MAP4K4: variants seen among roughly 807,000 people sequenced by gnomAD.
MAP4K4 encodes mitogen-activated protein kinase kinase kinase kinase 4.
MAP4K4 carries 38 observed loss-of-function variants against 189.6 expected under a neutral mutation model. The ratio of observed to expected loss-of-function variants is 0.20; its 90% confidence interval spans 0.15 to 0.26. MAP4K4 has a LOEUF of 0.26. Among genes scored for constraint, MAP4K4 ranks in the 10% least tolerant of loss-of-function variants. The pLI is 1.00. For synonymous variants in MAP4K4, 610 were observed against 624.3 expected (o/e 0.98, Z 0.34); for missense variants, 1,054 against 1,726.9 (o/e 0.61, Z 6.91).
rs1420670421 is a variant in MAP4K4 at position 101,797,892 on chromosome 2, T to G, written c.180+7116T>G. ...AGCTTTTTAAAACATTCTTTTAGTT[T>G]TTTTTTTTTTTTTTTTTTGGAGACC... On this transcript the variant is annotated intron_variant, in intron 3 of 32. Coordinates refer to ENST00000324219, the Ensembl canonical transcript of MAP4K4. Among the ~76,000 whole-genome samples the G allele has an allele frequency of 9.2e-4, 111 of 120,182 alleles. 21 individuals are homozygous for G. The highest frequency in any genetic ancestry group is 3.1e-3 in the African/African-American group (94 of 30,284). 78.8% of individuals were successfully genotyped at this position (120,182 alleles called of 152,430 possible).
chr2:101,724,012 A>G (rs1170075407), intron 2 of MAP4K4, among the ~76,000 whole-genome samples: 3 of 152,222 alleles, frequency 2.0e-5, no homozygotes, highest in Non-Finnish European at 4.4e-5. Flanking sequence ...GACTAGCCAG[A>G]TAGTGAAAAC....
chr2:101,815,456 GT>G (rs1450687654), intron 3 of MAP4K4, among the ~76,000 whole-genome samples: 2 of 152,088 alleles, frequency 1.3e-5, no homozygotes, highest in Admixed American at 6.5e-5. Flanking sequence ...CTTTTGTTAA[GT>G]TTTTTTTAAA....
chr2:101,839,903 T>C (rs1341112307), exon 10 of MAP4K4: 1 of 1,613,950 alleles, frequency 6.2e-7, no homozygotes, highest in African/African-American at 1.3e-5. Flanking sequence ...TTTTGAAACA[T>C]CCTTTTATAA....
intron 3 of MAP4K4, among the ~76,000 whole-genome samples, chr2:101,819,862 G>C (rs1373824089): frequency 6.6e-6 from 1 of 152,184 alleles, no homozygotes; most frequent in Non-Finnish European, 1.5e-5. Context: ...GTGCTTCATG[G>C]TTTCATGACA....
intron 2 of MAP4K4, among the ~76,000 whole-genome samples, chr2:101,707,312 A>G (rs1559028091): frequency 6.7e-6 from 1 of 150,228 alleles, no homozygotes; most frequent in Non-Finnish European, 1.5e-5. Flanking sequence ...GGGTACAAGC[A>G]ATTCTCTTGC....
At chr2:101,760,219 G>A (rs1464451164) in intron 2 of MAP4K4, among the ~76,000 whole-genome samples, 2 of 151,924 alleles carry the variant, frequency 1.3e-5, no homozygotes, top group Non-Finnish European at 2.9e-5. Flanking sequence ...GGCCGGGTGT[G>A]GGGGCTCACC....
In MAP4K4 at chr2:101,817,193, G is replaced by A. The variant is rs116170461; in HGVS notation, c.181-6735G>A. Among the ~76,000 whole-genome samples, 907 of 152,222 alleles carry A rather than the reference G, an allele frequency of 6.0e-3. 10 individuals are homozygous for A. The highest frequency in any genetic ancestry group is 0.021 in the African/African-American group (878 of 41,534). Reference sequence around the variant, plus strand: ...ACCCATGGTATTTTGTCTATAGATTGGGGCTCGACGAGGTCAACTGTCAGG... The same window carrying A: ...ACCCATGGTATTTTGTCTATAGATTAGGGCTCGACGAGGTCAACTGTCAGG... On this transcript the variant is annotated intron_variant, in intron 3 of 32. Coordinates refer to ENST00000324219, the Ensembl canonical transcript of MAP4K4.
At chr2:101,864,137 C>A in intron 17 of MAP4K4, 86 bp downstream of exon 17, 1 of 679,936 alleles carries the variant, frequency 1.5e-6, no homozygotes, top group Non-Finnish European at 2.1e-6. Context: ...TATGGGTATG[C>A]AACTTGACCA....
chr2:101,758,393 G>A (rs1168004920), intron 2 of MAP4K4, among the ~76,000 whole-genome samples: 1 of 152,170 alleles, frequency 6.6e-6, no homozygotes, highest in East Asian at 1.9e-4. Context: ...TGAACAACAT[G>A]GATTTGAACT....
intron 27 of MAP4K4, among the ~76,000 whole-genome samples, chr2:101,880,888 CT>C (rs2098368041): frequency 6.6e-6 from 1 of 152,116 alleles, no homozygotes; most frequent in South Asian, 2.1e-4. Flanking sequence ...GTTTTGATTA[CT>C]GTAGATTTAT....
chr2:101,806,362 T>C (rs2094926958), intron 3 of MAP4K4, among the ~76,000 whole-genome samples: 1 of 150,746 alleles, frequency 6.6e-6, no homozygotes. Flanking sequence ...TGCCTTCATT[T>C]CAGCTGTTTC....
intron 2 of MAP4K4, among the ~76,000 whole-genome samples, chr2:101,727,277 C>T (rs1387483707): frequency 6.6e-6 from 1 of 152,168 alleles, no homozygotes; most frequent in Non-Finnish European, 1.5e-5. Flanking sequence ...TTAGCATTTA[C>T]TCATGTAGTA....
chr2:101,807,318 C>T (rs945207991), intron 3 of MAP4K4, among the ~76,000 whole-genome samples: 7 of 152,120 alleles, frequency 4.6e-5, no homozygotes, highest in African/African-American at 9.7e-5. Context: ...CCTCCTGCCT[C>T]GGCCTCCCAG....
At chr2:101,728,815 G>A (rs961866279) in intron 2 of MAP4K4, among the ~76,000 whole-genome samples, 17 of 152,302 alleles carry the variant, frequency 1.1e-4, no homozygotes, top group Admixed American at 1.1e-3. Flanking sequence ...CACCGTGCCC[G>A]ACAGATCCCC....
chr2:101,711,973 CT>C (rs57205012), intron 2 of MAP4K4, among the ~76,000 whole-genome samples: 12,677 of 122,240 alleles, frequency 0.1, 654 homozygotes, highest in African/African-American at 0.25. Flanking sequence ...CTGTCTTGCC[CT>C]TTTTTTTTTT....
At chr2:101,894,676 T>G (rs1193553767) in exon 33 of MAP4K4, 1 of 152,340 alleles carries the variant, frequency 6.6e-6, no homozygotes, top group East Asian at 1.9e-4. Flanking sequence ...TTAAATAAAG[T>G]AAAAATGACA....
chr2:101,747,308 G>A (rs1227888411), intron 2 of MAP4K4, among the ~76,000 whole-genome samples: 6 of 152,006 alleles, frequency 3.9e-5, no homozygotes, highest in African/African-American at 9.7e-5. Flanking sequence ...TAATAGAGAC[G>A]GGGTTTCACC....
chr2:101,806,433 T>C lies in MAP4K4; in HGVS notation c.180+15657T>C, dbSNP rs2094937907. Among the ~76,000 whole-genome samples, 3 of 150,366 alleles carry C rather than the reference T, an allele frequency of 2.0e-5. No individual in the cohort carries two copies. The South Asian group carries it at 6.3e-4, about 32-fold the overall frequency. ...CTCTGTCACCCAGGCTGGAGTGCAG[T>C]GGCACGATCACGGCTCACTGCAACC... On this transcript the variant is annotated intron_variant, in intron 3 of 32. Transcript: ENST00000324219.
exon 22 of MAP4K4, chr2:101,869,786 C>T: frequency 6.4e-7 from 1 of 1,566,196 alleles, no homozygotes. Flanking sequence ...GACCAGAGGA[C>T]ACCAGAGCAG....
Sources: allele counts gnomAD v4.1 joint callset (sites outside exome capture counted in the v4.1 genomes callset), GRCh38; gene constraint gnomAD v4.1.1; transcripts MANE v1.5; gene names NCBI Gene and HGNC (gene_info 2026-07-23, HGNC 2026-07-21).